Variants in RGS3 observed in about 807,000 individuals in gnomAD.
RGS3 encodes regulator of G-protein signalling 3.
A neutral mutation model predicts 132.6 loss-of-function variants in RGS3; 80 were observed. The ratio of observed to expected loss-of-function variants is 0.60; its 90% CI spans 0.50 to 0.73. The LOEUF is 0.73. Ranked by LOEUF, RGS3 falls within the 30% of genes least tolerant of loss-of-function variation. The pLI is 0.00. For missense variants in RGS3, 1,382 were observed against 1,530.8 expected (o/e 0.90, Z 1.62); for synonymous variants, 598 against 620.6 (o/e 0.96, Z 0.54).
intron 18 of RGS3, among the ~76,000 whole-genome samples, chr9:113,529,772 T>C (rs1336305307): frequency 6.6e-6 from 1 of 152,200 alleles, no homozygotes; most frequent in Non-Finnish European, 1.5e-5. Context: ...ATCCAGTGTC[T>C]GGGTTTCAGG....
chr9:113,574,490 A>G (rs1834424044), intron 19 of RGS3, among the ~76,000 whole-genome samples: 1 of 152,252 alleles, frequency 6.6e-6, no homozygotes, highest in South Asian at 2.1e-4. Flanking sequence ...AATAGCCAAC[A>G]CAGGCCCTGG....
At chr9:113,447,319 G>GTATGTATATGTA (rs1192619578) in intron 1 of RGS3, among the ~76,000 whole-genome samples, 1 of 21,886 alleles carries the variant, frequency 4.6e-5, no homozygotes, top group African/African-American at 8.2e-5. Flanking sequence ...AAATTCTGAT[G>GTATGTATATGTA]TATGTATATG....
intron 3 of RGS3, among the ~76,000 whole-genome samples, chr9:113,466,972 ATT>A (rs902875169): frequency 1.4e-5 from 2 of 146,852 alleles, no homozygotes. Flanking sequence ...ATGGAATCGT[ATT>A]TTTTTTTTTA....
chr9:113,461,704 T>G, intron 1 of RGS3: 2 of 1,612,668 alleles, frequency 1.2e-6, no homozygotes, highest in South Asian at 2.2e-5. Flanking sequence ...TTTTCTCTCC[T>G]AGGTCACATT....
chr9:113,508,462 G>GC lies in RGS3; in HGVS notation c.1438-74dup, dbSNP rs959421428. 6 of 1,547,700 alleles carry GC rather than the reference G, an allele frequency of 3.9e-6. No individual in the cohort carries two copies. In the African/African-American group the frequency reaches 8.1e-5, roughly 21 times the overall value. On this transcript the variant is annotated intron_variant, in intron 13 of 24. Transcript: ENST00000350696. ...GGTGCTCCACTTCCTCTCCCCTGGG[G>GC]CCCCCGTGTCCAGCAGCCTCCTGGG... is the stretch of plus-strand genomic sequence containing the variant.
exon 25 of RGS3, chr9:113,596,957 C>T (rs766765290): frequency 1.3e-5 from 21 of 1,593,952 alleles, no homozygotes; most frequent in Non-Finnish European, 2.6e-6. Flanking sequence ...GCTTTAGGGG[C>T]CACTGGAGTC....
At chr9:113,595,517 G>A in intron 23 of RGS3, 82 bp from the exon 22 acceptor site, 1 of 1,502,616 alleles carries the variant, frequency 6.7e-7, no homozygotes, top group Non-Finnish European at 9.1e-7. Context: ...CATCTTTAAA[G>A]TCCTGTAGGG....
rs981125001 is a variant in RGS3, at chr9:113,583,448, A to C, written c.2038-2A>C. 6.2e-6 allele frequency: 10 copies of C among 1,613,840 alleles called. No homozygotes were observed. The highest frequency in any genetic ancestry group is 8.5e-6 in the Non-Finnish European group (10 of 1,179,976). On this transcript the variant is annotated splice_acceptor_variant, in intron 19 of 24. Coordinates refer to ENST00000350696, the Ensembl canonical transcript of RGS3. LOFTEE classifies it high-confidence loss of function. ...TGTTCTTGTTTTCTTTTTGTTTCCC[A>C]GATGTTTGAGACGGAGGCAGATGAG... is the stretch of plus-strand genomic sequence containing the variant.
intron 21 of RGS3, among the ~76,000 whole-genome samples, chr9:113,593,233 A>G (rs1342074900): frequency 6.6e-6 from 1 of 152,230 alleles, no homozygotes; most frequent in Non-Finnish European, 1.5e-5. Flanking sequence ...TTCATTAGAC[A>G]GGGTGTCTAG....
intron 1 of RGS3, among the ~76,000 whole-genome samples, chr9:113,447,118 T>G (rs1372100540): frequency 3.3e-5 from 5 of 150,614 alleles, no homozygotes; most frequent in Non-Finnish European, 5.9e-5. Flanking sequence ...AAAAATTAGC[T>G]GGGTGTGGTG....
chr9:113,564,743 G>C (rs755697762), intron 19 of RGS3, among the ~76,000 whole-genome samples: 1 of 152,220 alleles, frequency 6.6e-6, no homozygotes, highest in Non-Finnish European at 1.5e-5. Context: ...TTCCACATAG[G>C]ATTCTGCAGA....
intron 17 of RGS3, 106 bp downstream of exon 15, chr9:113,523,147 A>G: frequency 1.3e-6 from 1 of 744,652 alleles, no homozygotes; most frequent in South Asian, 1.5e-5. Flanking sequence ...AGGGCACTGG[A>G]GTGTGTGCTG....
At chr9:113,446,954 T>C (rs1194467420) in intron 1 of RGS3, among the ~76,000 whole-genome samples, 1 of 152,012 alleles carries the variant, frequency 6.6e-6, no homozygotes, top group Non-Finnish European at 1.5e-5. Flanking sequence ...TTGGCCAGAT[T>C]TCATCCTTTA....
intron 3 of RGS3, among the ~76,000 whole-genome samples, chr9:113,475,460 C>T (rs547410974): frequency 1.2e-3 from 186 of 152,208 alleles, no homozygotes; most frequent in African/African-American, 4.2e-3. Flanking sequence ...GGCTGGAGTA[C>T]AGTCGTGCAA....
At chr9:113,517,430 C>G in intron 15 of RGS3, 111 bp from the exon 14 acceptor site, 1 of 852,466 alleles carries the variant, frequency 1.2e-6, no homozygotes, top group Non-Finnish European at 2.0e-6. Context: ...TGACAGTCTT[C>G]TCTGGGTCAG....
intron 10 of RGS3, among the ~76,000 whole-genome samples, chr9:113,498,921 GAAAAAAAAAA>G (rs755573432): frequency 2.1e-5 from 1 of 47,380 alleles, no homozygotes; most frequent in African/African-American, 8.0e-5. Flanking sequence ...TGTCTCAATT[GAAAAAAAAAA>G]AAAAAAAAAA....
At chr9:113,459,487 C>T (rs972587956), upstream of RGS3, among the ~76,000 whole-genome samples, 7 of 152,284 alleles carry the variant, frequency 4.6e-5, no homozygotes, top group African/African-American at 1.4e-4. Flanking sequence ...CGGTGGTTCA[C>T]GCCTATAATC....
intron 1 of RGS3, among the ~76,000 whole-genome samples, chr9:113,452,566 A>G (rs1829268336): frequency 6.6e-6 from 1 of 151,950 alleles, no homozygotes; most frequent in African/African-American, 2.4e-5. Flanking sequence ...GTTTTCATCA[A>G]ACTTGGAAAA....
intron 10 of RGS3, among the ~76,000 whole-genome samples, chr9:113,499,060 C>T (rs558729381): frequency 6.0e-5 from 9 of 151,188 alleles, no homozygotes; most frequent in Non-Finnish European, 1.2e-4. Context: ...AACCATGTCT[C>T]TACTAAAAAT....
Sources: gnomAD v4.1 joint callset for allele counts (sites outside exome capture counted in the v4.1 genomes callset) on GRCh38, gnomAD v4.1.1 for gene constraint, MANE v1.5 for transcripts, NCBI Gene and HGNC (gene_info 2026-07-23, HGNC 2026-07-21) for gene names.